Variants in ARFGEF3 observed in about 807,000 individuals in gnomAD.
The protein encoded by ARFGEF3 is brefeldin A-inhibited guanine nucleotide-exchange protein 3.
ARFGEF3 carries 96 observed loss-of-function variants against 221.7 expected under a neutral mutation model. The ratio of observed to expected loss-of-function variants is 0.43; its 90% CI spans 0.37 to 0.51. The LOEUF is 0.51. ARFGEF3 is among the 20% of genes least tolerant of loss of function. The pLI, the probability that ARFGEF3 is intolerant of heterozygous loss-of-function variation, is 0.00. For missense variants in ARFGEF3, 2,410 were observed against 2,789.9 expected (o/e 0.86, Z 3.07); for synonymous variants, 1,145 against 1,126.8 (o/e 1.02, Z -0.32).
intron 4 of ARFGEF3, among the ~76,000 whole-genome samples, chr6:138,222,738 T>C (rs1180880725): frequency 6.6e-6 from 1 of 152,188 alleles, no homozygotes; most frequent in South Asian, 2.1e-4. Flanking sequence ...AAAACTTCAA[T>C]AGCTTTAGGG....
chr6:138,193,322 A>ATTTT, intron 2 of ARFGEF3, among the ~76,000 whole-genome samples: 1 of 152,176 alleles, frequency 6.6e-6, no homozygotes, highest in East Asian at 1.9e-4. Flanking sequence ...ATTTTTCTAG[A>ATTTT]CAAAATCTCT....
rs1779313494 is a variant in ARFGEF3 at position 138,287,176 on chromosome 6, T to C, written c.2888T>C (p.Ile963Thr). The change falls in exon 17 of 34, where the codon ATC (isoleucine) becomes ACC (threonine). Residue 963 changes from isoleucine to threonine, a missense_variant. This residue lies in a region of ARFGEF3 where 594 missense variants were observed against 734.3 expected (regional missense o/e 0.81). Transcript: ENST00000251691. ...GAGGCCCAAGAACCCAGTGATGCCA[T>C]CACACAAGGTAACAACTGGAGGGCC... is the stretch of plus-strand genomic sequence containing the variant. ...EREAQEPSDA[I>T]TQVKLKVEQK... is the part of the protein sequence containing the mutation. 1 of 1,560,694 alleles carries C rather than the reference T, an allele frequency of 6.4e-7. No individual in the cohort carries two copies. Among genetic ancestry groups the C allele is most frequent in the Non-Finnish European group, 8.7e-7 (1 of 1,152,148 alleles).
At chr6:138,189,480 T>C (rs1021577790) in intron 2 of ARFGEF3, among the ~76,000 whole-genome samples, 1 of 152,228 alleles carries the variant, frequency 6.6e-6, no homozygotes, top group African/African-American at 2.4e-5. Context: ...TCATATGACC[T>C]AAAGATGAAT....
Position 138,282,310 on chromosome 6 carries a change from T to A in ARFGEF3, c.2461+2146T>A, listed in dbSNP as rs149263286. 3.9e-3 allele frequency among the ~76,000 whole-genome samples: 598 copies of A among 152,202 alleles called. 1 individual carries two copies. The highest frequency in any genetic ancestry group is 0.014 in the African/African-American group (569 of 41,524). ...CTCTCCTGGCTCCAGCAGAAGGAGG[T>A]GCAGAGCAAGGCCCTGCCCTCTCTG... On this transcript the variant is annotated intron_variant, in intron 14 of 33. Coordinates refer to ENST00000251691, the MANE Select transcript of ARFGEF3 (RefSeq NM_020340.5).
In ARFGEF3 at chr6:138,226,605, G is replaced by A. The variant is rs374622117; in HGVS notation, c.352-3179G>A. 8.8e-4 allele frequency among the ~76,000 whole-genome samples: 134 copies of A among 152,256 alleles called. 4 individuals are homozygous for A. In the South Asian group the frequency reaches 0.026, roughly 29 times the overall value. On this transcript the variant is annotated intron_variant, in intron 4 of 33. Coordinates refer to ENST00000251691, the MANE Select transcript of ARFGEF3 (RefSeq NM_020340.5). ...GGTAATTTAGTCAATATGCTTTAAT[G>A]ACCCTGTGAAGGATATATTTTTAAT...
chr6:138,275,996 T>C (rs927865501), intron 12 of ARFGEF3, among the ~76,000 whole-genome samples: 4 of 152,192 alleles, frequency 2.6e-5, no homozygotes, highest in African/African-American at 9.7e-5. Context: ...CATGCACAAA[T>C]GTAGAGATGA....
At chr6:138,240,387 T>A (rs1166315239) in intron 6 of ARFGEF3, among the ~76,000 whole-genome samples, 3 of 152,238 alleles carry the variant, frequency 2.0e-5, no homozygotes, top group African/African-American at 7.2e-5. Context: ...GTGCTTTCAA[T>A]TATATGAGTT....
intron 2 of ARFGEF3, among the ~76,000 whole-genome samples, chr6:138,201,653 C>G (rs575789652): frequency 5.3e-5 from 8 of 152,140 alleles, no homozygotes; most frequent in African/African-American, 1.9e-4. Context: ...ATACAATGGG[C>G]TTTTTGGGGA....
intron 24 of ARFGEF3, among the ~76,000 whole-genome samples, chr6:138,309,704 GA>G (rs1197220036): frequency 1.3e-5 from 2 of 152,236 alleles, no homozygotes; most frequent in African/African-American, 2.4e-5. Flanking sequence ...AAAGGCCTCA[GA>G]ATGAGGGGCA....
intron 28 of ARFGEF3, among the ~76,000 whole-genome samples, chr6:138,320,200 AAAG>A (rs1392028678): frequency 6.6e-6 from 1 of 152,222 alleles, no homozygotes; most frequent in Non-Finnish European, 1.5e-5. Flanking sequence ...AAAAAGAAAA[AAAG>A]AAGAAGCAGC....
At chr6:138,320,109 T>C (rs974089918) in intron 28 of ARFGEF3, among the ~76,000 whole-genome samples, 2 of 152,096 alleles carry the variant, frequency 1.3e-5, no homozygotes, top group African/African-American at 4.8e-5. Flanking sequence ...TCAAAATATA[T>C]GTGTGGTAGA....
Position 138,255,808 on chromosome 6 carries a change from G to T in ARFGEF3, c.1104+39G>T, listed in dbSNP as rs374446184. 2.1e-6 allele frequency: 3 copies of T among 1,443,650 alleles called. No homozygotes were observed. In the African/African-American group the frequency reaches 4.3e-5, roughly 21 times the overall value. 89.4% of individuals were successfully genotyped at this position (1,443,650 alleles called of 1,614,324 possible). A position where few individuals can be genotyped will look rare whatever the true frequency, so the allele number is the denominator to read the frequency against. On this transcript the variant is annotated intron_variant, in intron 10 of 33. Transcript: ENST00000251691. ...GGAGATCGCCACCAGGTTTACAAGGGGGCCTGACCAGCGTTTCGCATACAA... is the reference window on the plus strand; with the variant it reads ...GGAGATCGCCACCAGGTTTACAAGGTGGCCTGACCAGCGTTTCGCATACAA...
chr6:138,218,512 C>T (rs1192325600), intron 4 of ARFGEF3: 8 of 1,428,756 alleles, frequency 5.6e-6, no homozygotes, highest in Non-Finnish European at 7.3e-6. Context: ...GCCATGATTC[C>T]ACAATCTAAG....
At chr6:138,165,687 C>T (rs190655076) in intron 1 of ARFGEF3, among the ~76,000 whole-genome samples, 1 of 152,050 alleles carries the variant, frequency 6.6e-6, no homozygotes, top group African/African-American at 2.4e-5. Flanking sequence ...CTTAGACCCT[C>T]AGGAGAGAGA....
Position 138,292,027 on chromosome 6 carries a change from G to T in ARFGEF3, c.3342G>T (p.Val1114=), listed in dbSNP as rs1215521070. The T allele has an allele frequency of 1.3e-6, 2 of 1,485,620 alleles. No individual in the cohort carries two copies. The highest frequency in any genetic ancestry group is 1.8e-6 in the Non-Finnish European group (2 of 1,121,648). The allele number at this position is 1,485,620 out of a possible 1,614,324, so 92.0% of individuals were successfully genotyped here. ...LMSGSSAAKV[V]LTLSTQADRL... is the part of the protein sequence containing the mutation. Reference sequence around the variant, plus strand: ...GCGGGAGCAGCGCGGCCAAGGTGGTGCTCACCCTCTCCACGCAAGCCGACA... The same window carrying T: ...GCGGGAGCAGCGCGGCCAAGGTGGTTCTCACCCTCTCCACGCAAGCCGACA... Residue 1114 remains valine (V), a synonymous_variant, in exon 19 of 34, where the codon GTG becomes GTT. Transcript: ENST00000251691.
intron 25 of ARFGEF3, among the ~76,000 whole-genome samples, chr6:138,312,063 G>A (rs576851790): frequency 6.6e-6 from 1 of 152,236 alleles, no homozygotes. Context: ...GGCTGAGGCA[G>A]GAGAATTGCT....
At chr6:138,209,813 C>T (rs1777688854) in intron 3 of ARFGEF3, 97 bp from the exon 4 acceptor site, 4 of 1,461,972 alleles carry the variant, frequency 2.7e-6, no homozygotes, top group Non-Finnish European at 3.7e-6. Context: ...CACGCCTCCC[C>T]AGTAAGAAAA....
chr6:138,260,113 A>C (rs1778759270), intron 10 of ARFGEF3, among the ~76,000 whole-genome samples: 1 of 152,080 alleles, frequency 6.6e-6, no homozygotes, highest in African/African-American at 2.4e-5. Flanking sequence ...GCCTGTAGAG[A>C]GGGGGCGAGA....
At chr6:138,169,918 TA>T (rs1582992419) in intron 1 of ARFGEF3, among the ~76,000 whole-genome samples, 1 of 152,186 alleles carries the variant, frequency 6.6e-6, no homozygotes, top group African/African-American at 2.4e-5. Flanking sequence ...CCAATGAAAA[TA>T]GTTCAGATAG....
Sources: gnomAD v4.1 joint callset for allele counts (sites outside exome capture counted in the v4.1 genomes callset) on GRCh38, gnomAD v4.1.1 for gene constraint, gnomAD v4.1.1 regional missense constraint, MANE v1.5 for transcripts, NCBI Gene and HGNC (gene_info 2026-07-23, HGNC 2026-07-21) for gene names.